The following LCP1 variants were observed in gnomAD, a reference collection of about 807,000 sequenced individuals.
The protein encoded by LCP1 is plastin-2.
Under a neutral mutation model 72.0 loss-of-function variants are expected in LCP1, and 23 were observed. The ratio of observed to expected loss-of-function variants is 0.32; its 90% CI spans 0.23 to 0.45. LCP1 has a LOEUF of 0.45. LCP1 is among the 20% of genes least tolerant of loss of function. LCP1 has a pLI of 1.00. For missense variants in LCP1, 571 were observed against 748.3 expected (o/e 0.76, Z 2.76); for synonymous variants, 245 against 275.4 (o/e 0.89, Z 1.09).
chr13:46,153,078 C>A, intron 6 of LCP1, 133 bp from the exon 7 acceptor site: 1 of 885,330 alleles, frequency 1.1e-6, no homozygotes, highest in African/African-American at 1.7e-5. Flanking sequence ...CTCATTTTAA[C>A]ATTGAGAAAA....
chr13:46,130,680 AAGTCATGAGAAGGAAAAGCACGGAT>A, intron 15 of LCP1, 109 bp downstream of exon 15: 21 of 1,073,690 alleles, frequency 2.0e-5, no homozygotes, highest in Non-Finnish European at 2.9e-5. Context: ...AGACTGCAGA[AAGTCATGAGAAGGAAAAGCACGGAT>A]AGTGAAAATG....
intron 1 of LCP1, among the ~76,000 whole-genome samples, chr13:46,162,953 AC>A (rs1439528007): frequency 6.7e-6 from 1 of 148,562 alleles, no homozygotes; most frequent in Non-Finnish European, 1.5e-5. Flanking sequence ...CCTGGCAGCC[AC>A]CCCGTCTGGG....
chr13:46,159,245 T>C (rs569178411), intron 2 of LCP1: 30 of 526,598 alleles, frequency 5.7e-5, no homozygotes, highest in African/African-American at 2.5e-4. Context: ...AGAACTCTTA[T>C]AGAAACTCTT....
At chr13:46,163,113 G>A (rs373976301) in intron 1 of LCP1, among the ~76,000 whole-genome samples, 6 of 152,036 alleles carry the variant, frequency 3.9e-5, no homozygotes, top group East Asian at 1.9e-4. Flanking sequence ...CCCTCTGCCC[G>A]GCCGCCACCC....
chr13:46,156,666 G>A, intron 4 of LCP1, 96 bp from the exon 5 acceptor site: 1 of 1,315,406 alleles, frequency 7.6e-7, no homozygotes, highest in Non-Finnish European at 1.1e-6. Flanking sequence ...TCCCAGCAGA[G>A]AGATGTGAGT....
intron 1 of LCP1, among the ~76,000 whole-genome samples, chr13:46,170,340 T>G (rs1483686742): frequency 2.0e-5 from 3 of 152,280 alleles, no homozygotes; most frequent in African/African-American, 7.2e-5. Flanking sequence ...CACCTGTGCC[T>G]GCTGCCTAGC....
intron 5 of LCP1, 60 bp from the exon 6 acceptor site, chr13:46,154,946 G>T: frequency 2.3e-6 from 3 of 1,297,222 alleles, no homozygotes; most frequent in Non-Finnish European, 3.3e-6. Flanking sequence ...GCCCAGTAAC[G>T]TTGAATTTAA....
chr13:46,138,624 T>C (rs937025506), intron 13 of LCP1, among the ~76,000 whole-genome samples: 4 of 152,116 alleles, frequency 2.6e-5, no homozygotes, highest in Non-Finnish European at 5.9e-5. Context: ...AAATTTAACA[T>C]AGAATGGGGT....
At chr13:46,138,775 T>A (rs866827746) in intron 13 of LCP1, among the ~76,000 whole-genome samples, 3 of 152,188 alleles carry the variant, frequency 2.0e-5, no homozygotes, top group Middle Eastern at 3.4e-3. Context: ...GCCTCCTGAG[T>A]ACCTGGGACT....
At position 46,169,256 on chromosome 13, in the gene LCP1, C is replaced by T. The variant is rs74074025; in HGVS notation, c.-24-9570G>A. Among the ~76,000 whole-genome samples, 1,458 of 152,274 alleles carry T rather than the reference C, an allele frequency of 9.6e-3. 22 individuals carry two copies. Among genetic ancestry groups the T allele is most frequent in the African/African-American group, 0.032 (1,347 of 41,544 alleles). The stretch of plus-strand genomic sequence containing the variant: ...AACAATCCCCCAAGATTTCAAATGT[C>T]TTACGAATATAATTTCATGTATGTT... On this transcript the variant is annotated intron_variant, in intron 1 of 15. Coordinates refer to ENST00000323076, the MANE Select transcript of LCP1 (RefSeq NM_002298.5).
At chr13:46,170,421 T>C (rs751736673) in intron 1 of LCP1, among the ~76,000 whole-genome samples, 4 of 152,222 alleles carry the variant, frequency 2.6e-5, no homozygotes, top group Non-Finnish European at 4.4e-5. Context: ...CTTGGCACTG[T>C]TGCTGTAAAA....
At chr13:46,139,904 C>A (rs4547245) in intron 13 of LCP1, among the ~76,000 whole-genome samples, 43,490 of 152,034 alleles carry the variant, frequency 0.29, 7,280 homozygotes, top group African/African-American at 0.45. Context: ...AATAACAGGG[C>A]CCACATTTAA....
intron 13 of LCP1, among the ~76,000 whole-genome samples, chr13:46,134,750 G>T (rs907076575): frequency 2.0e-5 from 3 of 152,142 alleles, no homozygotes; most frequent in Non-Finnish European, 2.9e-5. Flanking sequence ...CTACTGTTAT[G>T]AGAATTGGTT....
At chr13:46,156,733 C>T (rs140309951) in intron 4 of LCP1, among the ~76,000 whole-genome samples, 163 bp from the exon 5 acceptor site, 54 of 152,220 alleles carry the variant, frequency 3.5e-4, no homozygotes, top group Middle Eastern at 3.4e-3. Context: ...AATCTCAGAT[C>T]ACTTGGGAAA....
chr13:46,135,131 A>G (rs995565145), intron 13 of LCP1, among the ~76,000 whole-genome samples: 2 of 151,644 alleles, frequency 1.3e-5, no homozygotes, highest in South Asian at 4.2e-4. Flanking sequence ...AAAGAAAAAA[A>G]AAAAACCCAC....
At chr13:46,165,139 G>A (rs753496103) in intron 1 of LCP1, among the ~76,000 whole-genome samples, 4 of 152,136 alleles carry the variant, frequency 2.6e-5, no homozygotes, top group Admixed American at 1.3e-4. Flanking sequence ...TTGGGAGGCC[G>A]AGGTGCACGG....
At chr13:46,158,727 G>A (rs1593957343) in intron 3 of LCP1, 76 bp from the exon 4 acceptor site, 16 of 1,603,438 alleles carry the variant, frequency 1.0e-5, no homozygotes, top group Admixed American at 1.7e-5. Context: ...ATGTAATGTC[G>A]AAGCAAGGAG....
chr13:46,145,426 G>A (rs990844329), intron 10 of LCP1, among the ~76,000 whole-genome samples: 1 of 152,164 alleles, frequency 6.6e-6, no homozygotes, highest in Non-Finnish European at 1.5e-5. Flanking sequence ...ATTAGTGTAT[G>A]AGGTAATGAG....
rs2045599202 is a variant in LCP1 at position 46,126,508 on chromosome 13, TC to T, written c.*1082del. The T allele has an allele frequency of 4.3e-6, 1 of 232,326 alleles. No individual in the cohort carries two copies. The highest frequency in any genetic ancestry group is 6.1e-5 in the East Asian group (1 of 16,386). 14.4% of individuals were successfully genotyped at this position (232,326 alleles called of 1,614,324 possible). Reference sequence around the variant, plus strand: ...GGGTGCTATTGATTGGCACATATTGTCCCCCCTGGAGTTTAGGGGTGGCAGA... The same window carrying T: ...GGGTGCTATTGATTGGCACATATTGTCCCCCTGGAGTTTAGGGGTGGCAGA... On this transcript the variant is annotated 3_prime_UTR_variant, in exon 16 of 16. Transcript: ENST00000323076.
Sources: allele counts gnomAD v4.1 joint callset (sites outside exome capture counted in the v4.1 genomes callset), GRCh38; gene constraint gnomAD v4.1.1; transcripts MANE v1.5; gene names NCBI Gene and HGNC (gene_info 2026-07-23, HGNC 2026-07-21).